Variants in STARD13 observed in about 807,000 individuals in gnomAD.
STARD13 encodes the protein stAR-related lipid transfer protein 13.
In STARD13, 62 loss-of-function variants were observed where a neutral mutation model predicts 106.4. The observed-to-expected ratio is 0.58, with a 90% confidence interval of 0.48 to 0.72. The LOEUF is 0.72. Ranked by LOEUF, STARD13 falls within the 30% of genes least tolerant of loss-of-function variation. The pLI is 0.00. For synonymous variants in STARD13, 565 were observed against 553.0 expected (o/e 1.02, Z -0.31); for missense variants, 1,387 against 1,424.0 (o/e 0.97, Z 0.42).
At chr13:33,498,975 T>C in the STARD13 span, among the ~76,000 whole-genome samples, 1 of 152,032 alleles carries the variant, frequency 6.6e-6, no homozygotes, top group Admixed American at 6.6e-5. Context: ...CCGTCTCTAC[T>C]AAAAATACAA....
At chr13:33,416,607 A>C in the STARD13 span, among the ~76,000 whole-genome samples, 1 of 152,220 alleles carries the variant, frequency 6.6e-6, no homozygotes, top group Non-Finnish European at 1.5e-5. Context: ...GGGGAAAATG[A>C]TATTTTCAAG....
chr13:33,385,483 A>G, the STARD13 span, among the ~76,000 whole-genome samples: 3 of 149,082 alleles, frequency 2.0e-5, no homozygotes, highest in Admixed American at 2.0e-4. Flanking sequence ...AAAAAAAAAA[A>G]AAAAAAAATG....
chr13:33,195,322 C>G (rs1192140090), intron 1 of STARD13, among the ~76,000 whole-genome samples: 1 of 152,218 alleles, frequency 6.6e-6, no homozygotes, highest in African/African-American at 2.4e-5. Flanking sequence ...TAGCCACTCT[C>G]TCTGTAACTC....
chr13:33,628,768 T>TTTTCAATCTCTG, the STARD13 span, among the ~76,000 whole-genome samples: 97 of 152,326 alleles, frequency 6.4e-4, 1 homozygote, highest in African/African-American at 2.3e-3. Context: ...GAACAGAGAC[T>TTTTCAATCTCTG]TTTCAATCAG....
At chr13:33,116,879 A>G (rs1393494854) in intron 8 of STARD13, among the ~76,000 whole-genome samples, 1 of 152,212 alleles carries the variant, frequency 6.6e-6, no homozygotes, top group Non-Finnish European at 1.5e-5. Flanking sequence ...CTGAGTTTGC[A>G]GTATCATGGA....
At chr13:33,369,727 G>GT in the STARD13 span, among the ~76,000 whole-genome samples, 1,321 of 148,684 alleles carry the variant, frequency 8.9e-3, 16 homozygotes, top group African/African-American at 0.024. Context: ...TTTACATACA[G>GT]TTTTTTTTTT....
chr13:33,151,030 T>G (rs1881204985), intron 3 of STARD13, among the ~76,000 whole-genome samples: 1 of 152,124 alleles, frequency 6.6e-6, no homozygotes. Context: ...AAGAAGCTAC[T>G]CACTTTCTGA....
the STARD13 span, among the ~76,000 whole-genome samples, chr13:33,385,867 A>AC: frequency 7.3e-5 from 11 of 150,894 alleles, no homozygotes; most frequent in South Asian, 6.2e-4. Context: ...AAAAAAACAA[A>AC]AAAAAAAAAA....
At chr13:33,294,009 T>C (rs1892392009) in intron 1 of STARD13, among the ~76,000 whole-genome samples, 1 of 152,216 alleles carries the variant, frequency 6.6e-6, no homozygotes, top group African/African-American at 2.4e-5. Context: ...TATTTCACTT[T>C]GTTGGCTAGT....
chr13:33,343,138 C>T (rs1436636834), intron 1 of STARD13, among the ~76,000 whole-genome samples: 2 of 152,294 alleles, frequency 1.3e-5, no homozygotes, highest in African/African-American at 4.8e-5. Context: ...AACAGAGAAC[C>T]TTTGAGTCCT....
At chr13:33,522,858 A>G in the STARD13 span, among the ~76,000 whole-genome samples, 2 of 152,162 alleles carry the variant, frequency 1.3e-5, no homozygotes, top group African/African-American at 4.8e-5. Flanking sequence ...TAACTTTGCC[A>G]TGTTGTGAAG....
the STARD13 span, among the ~76,000 whole-genome samples, chr13:33,519,238 T>TTCTTTCTTTCTC: frequency 6.6e-6 from 1 of 150,662 alleles, no homozygotes; most frequent in South Asian, 2.1e-4. Context: ...CTTTCTTTCT[T>TTCTTTCTTTCTC]TCTTTCTTTC....
intron 1 of STARD13, among the ~76,000 whole-genome samples, chr13:33,193,920 CTGA>C (rs1363684968): frequency 6.6e-6 from 1 of 152,114 alleles, no homozygotes. Flanking sequence ...TCAAATGGTG[CTGA>C]TAACTAAGTG....
At chr13:33,149,338 C>T (rs1239436584) in intron 3 of STARD13, among the ~76,000 whole-genome samples, 2 of 152,130 alleles carry the variant, frequency 1.3e-5, no homozygotes, top group African/African-American at 2.4e-5. Context: ...GTAGTTTCTG[C>T]TCAGTTTTGT....
chr13:33,615,611 T>C, the STARD13 span, among the ~76,000 whole-genome samples: 2 of 152,164 alleles, frequency 1.3e-5, no homozygotes, highest in Non-Finnish European at 2.9e-5. Context: ...GAAGAAACTT[T>C]CCAGGGTAAC....
intron 1 of STARD13, among the ~76,000 whole-genome samples, chr13:33,250,268 A>G (rs1012122772): frequency 5.3e-5 from 8 of 152,190 alleles, no homozygotes; most frequent in Non-Finnish European, 1.5e-5. Context: ...TGGGGGGCCA[A>G]TTATCTCCTC....
the STARD13 span, among the ~76,000 whole-genome samples, chr13:33,379,630 G>T: frequency 6.6e-6 from 1 of 152,192 alleles, no homozygotes; most frequent in Non-Finnish European, 1.5e-5. Context: ...TGTAGAAATG[G>T]ATGTAAATAT....
the STARD13 span, among the ~76,000 whole-genome samples, chr13:33,500,769 T>C: frequency 1.3e-5 from 2 of 152,156 alleles, no homozygotes; most frequent in African/African-American, 4.8e-5. Flanking sequence ...AATTCTATCA[T>C]GAGGGCAGCA....
intron 3 of STARD13, among the ~76,000 whole-genome samples, chr13:33,153,095 GTCT>G: frequency 1.3e-5 from 2 of 152,312 alleles, no homozygotes; most frequent in South Asian, 4.1e-4. Context: ...TCACCACATA[GTCT>G]TCTCTAACAT....
Sources: gnomAD v4.1 joint callset for allele counts (sites outside exome capture counted in the v4.1 genomes callset) on GRCh38, gnomAD v4.1.1 for gene constraint, MANE v1.5 for transcripts, NCBI Gene and HGNC (gene_info 2026-07-23, HGNC 2026-07-21) for gene names.